The following VPS13D variants were observed in gnomAD, a reference collection of about 807,000 sequenced individuals.
VPS13D encodes intermembrane lipid transfer protein VPS13D.
In VPS13D, 187 loss-of-function variants were observed where a neutral mutation model predicts 461.9. That is an observed-to-expected ratio of 0.40 (90% CI 0.36 to 0.46). The LOEUF (loss-of-function observed/expected upper bound fraction) is 0.46, where lower values mean the gene tolerates loss of function less well. Ranked by LOEUF, VPS13D falls within the 20% of genes least tolerant of loss-of-function variation. The pLI is 0.60. For missense variants in VPS13D, 4,711 were observed against 5,364.9 expected, an observed-to-expected ratio of 0.88 and a Z score of 3.81; for synonymous variants, 1,951 against 1,986.3, an observed-to-expected ratio of 0.98 and a Z score of 0.47.
intron 43 of VPS13D, 37 bp downstream of exon 43, chr1:12,345,546 T>C (rs755686568): frequency 1.9e-6 from 3 of 1,589,366 alleles, no homozygotes; most frequent in Non-Finnish European, 2.6e-6. Context: ...GTTAAGCGAC[T>C]GTCAGGAAGT....
chr1:12,505,099 G>A lies in VPS13D; in HGVS notation c.12795-1754G>A, dbSNP rs1011185857. Among the ~76,000 whole-genome samples the A allele has an allele frequency of 1.3e-5, 2 of 152,138 alleles. No homozygotes were observed. The highest frequency in any genetic ancestry group is 2.9e-5 in the Non-Finnish European group (2 of 68,022). On this transcript the variant is annotated intron_variant, in intron 68 of 69. Transcript: ENST00000620676. The surrounding 1 kb of genome is among the most constrained non-coding windows in gnomAD (Gnocchi z 4.2). ...GGAGTCTCCTTGGAGAGCCCGTGAC[G>A]GCCTCAGTGGCTGTGCACCAGGCCC...
intron 27 of VPS13D, 146 bp downstream of exon 27, chr1:12,308,787 G>T: frequency 1.4e-6 from 1 of 731,648 alleles, no homozygotes. Flanking sequence ...AAGTAGCTGG[G>T]ATTACAGGCA....
intron 65 of VPS13D, among the ~76,000 whole-genome samples, chr1:12,421,382 C>A (rs756724530): frequency 6.6e-6 from 1 of 152,208 alleles, no homozygotes; most frequent in Non-Finnish European, 1.5e-5. Context: ...AAACCCATGT[C>A]AGAGGAGAAA....
intron 60 of VPS13D, among the ~76,000 whole-genome samples, 158 bp downstream of exon 60, chr1:12,386,492 C>A (rs776953561): frequency 1.3e-5 from 2 of 152,146 alleles, no homozygotes; most frequent in Non-Finnish European, 2.9e-5. Context: ...TACCTACATT[C>A]GTCTCATTAA....
intron 60 of VPS13D, among the ~76,000 whole-genome samples, chr1:12,391,116 C>G (rs1272266629): frequency 1.3e-5 from 2 of 152,230 alleles, no homozygotes; most frequent in Non-Finnish European, 2.9e-5. Context: ...TTGGCTACCT[C>G]CCATGAATCA....
chr1:12,448,328 G>C (rs1352810882), intron 65 of VPS13D, among the ~76,000 whole-genome samples: 1 of 152,150 alleles, frequency 6.6e-6, no homozygotes, highest in Non-Finnish European at 1.5e-5. Flanking sequence ...TCCTGGTTCA[G>C]TACTGAGGCA....
rs925406397 is a variant in VPS13D at position 12,268,612 on chromosome 1, A to C, written c.1802-94A>C. 2.7e-5 allele frequency: 37 copies of C among 1,360,022 alleles called. No individual in the cohort carries two copies. In the African/African-American group the frequency reaches 5.3e-4, roughly 19 times the overall value. The allele number at this position is 1,360,022 out of a possible 1,614,324, so 84.2% of individuals were successfully genotyped here. A position where few individuals can be genotyped will look rare whatever the true frequency, so the allele number is the denominator to read the frequency against. On this transcript the variant is annotated intron_variant, in intron 15 of 69. Coordinates refer to ENST00000620676, the MANE Select transcript of VPS13D (RefSeq NM_015378.4). ...GTGAACTAATTGAAAAATAATTTAG[A>C]AAATGTCTGTTTTTCCAGAATCCCT... is the stretch of plus-strand genomic sequence containing the variant.
chr1:12,401,616 G>T lies in VPS13D; in HGVS notation c.11793G>T (p.Met3931Ile), dbSNP rs372042881. 7 of 1,610,146 alleles carry T rather than the reference G, an allele frequency of 4.3e-6. No individual in the cohort carries two copies. The African/African-American group carries it at 6.7e-5, about 15-fold the overall frequency. The change falls in exon 62 of 70, where the codon ATG becomes ATT. Residue 3931 changes from methionine (M) to isoleucine (I), a missense_variant. Transcript: ENST00000620676. Reference protein sequence around the residue: ...SALTNIYKHLMITAQRFTVQI... With the variant: ...SALTNIYKHLIITAQRFTVQI... ...AATTTCTTTATCTCTAGCATCTGATGATCACAGCTCAGAGATTCACAGTGC... is the reference window on the plus strand; with the variant it reads ...AATTTCTTTATCTCTAGCATCTGATTATCACAGCTCAGAGATTCACAGTGC...
At chr1:12,368,997 T>C (rs1644077932) in intron 53 of VPS13D, among the ~76,000 whole-genome samples, 1 of 152,198 alleles carries the variant, frequency 6.6e-6, no homozygotes, top group Non-Finnish European at 1.5e-5. Context: ...AATATGGAAA[T>C]CATTAGATTT....
chr1:12,418,395 C>G (rs1324955017), intron 65 of VPS13D, among the ~76,000 whole-genome samples: 1 of 152,194 alleles, frequency 6.6e-6, no homozygotes, highest in Non-Finnish European at 1.5e-5. Context: ...TGCTTTAGCT[C>G]TTGGACTTGA....
intron 2 of VPS13D, among the ~76,000 whole-genome samples, chr1:12,238,511 T>C (rs79844422): frequency 0.077 from 11,635 of 152,008 alleles, 570 homozygotes; most frequent in African/African-American, 0.14. Context: ...CCTTTTTTTT[T>C]CCTCCACCTC....
At chr1:12,308,205 G>C (rs915678156) in intron 26 of VPS13D, among the ~76,000 whole-genome samples, 3 of 152,090 alleles carry the variant, frequency 2.0e-5, no homozygotes, top group Admixed American at 2.0e-4. Context: ...GAGTGGAGGC[G>C]GGTGGGCAGG....
chr1:12,391,830 A>G (rs956131796), intron 60 of VPS13D, among the ~76,000 whole-genome samples: 3 of 152,048 alleles, frequency 2.0e-5, no homozygotes, highest in Non-Finnish European at 4.4e-5. Flanking sequence ...GGGGATAAAC[A>G]CTTTTACTCC....
chr1:12,288,540 C>T (rs1045604031), intron 22 of VPS13D, among the ~76,000 whole-genome samples: 3 of 151,744 alleles, frequency 2.0e-5, no homozygotes, highest in African/African-American at 7.3e-5. Flanking sequence ...AGCCTCTTCC[C>T]TCCTCCTGTC....
intron 20 of VPS13D, among the ~76,000 whole-genome samples, chr1:12,282,244 A>T (rs1377712456): frequency 6.6e-6 from 1 of 152,248 alleles, no homozygotes; most frequent in Non-Finnish European, 1.5e-5. Flanking sequence ...GAAAGGAAAC[A>T]TAACTAATCA....
intron 67 of VPS13D, among the ~76,000 whole-genome samples, chr1:12,477,489 G>A (rs925193728): frequency 2.0e-5 from 3 of 152,108 alleles, no homozygotes; most frequent in East Asian, 1.9e-4. Context: ...CTCCAGTGGC[G>A]TCCTCTGTAG....
At chr1:12,362,276 A>C (rs957143068) in intron 50 of VPS13D, among the ~76,000 whole-genome samples, 2 of 152,268 alleles carry the variant, frequency 1.3e-5, no homozygotes, top group Non-Finnish European at 2.9e-5. Flanking sequence ...AGAATCCAAG[A>C]AAGTAATCTG....
rs551896333 is a variant in VPS13D at position 12,341,796 on chromosome 1, C to T, written c.8643C>T (p.Pro2881=). ...QIYARAEVKT[P]KRRQPFVPFA... ...TTGTCGTAGCAGAGGTGAAAACCCC[C>T]AAGCGCCGGCAGCCATTTGTCCCCT... Residue 2881 remains proline, a synonymous_variant, in exon 41 of 70, where the codon CCC becomes CCT. Coordinates refer to ENST00000620676, the MANE Select transcript of VPS13D (RefSeq NM_015378.4). The T allele has an allele frequency of 8.7e-6, 14 of 1,613,966 alleles. No homozygotes were observed. The South Asian group carries it at 1.4e-4, about 16-fold the overall frequency.
intron 60 of VPS13D, among the ~76,000 whole-genome samples, chr1:12,391,381 T>G (rs1644424546): frequency 6.6e-6 from 1 of 152,174 alleles, no homozygotes; most frequent in Non-Finnish European, 1.5e-5. Flanking sequence ...AAGCCATCAG[T>G]GCAGGCTAGG....
Sources: gnomAD v4.1 joint callset for allele counts (sites outside exome capture counted in the v4.1 genomes callset) on GRCh38, gnomAD v4.1.1 for gene constraint, Gnocchi (gnomAD v3.1) non-coding constraint, MANE v1.5 for transcripts, NCBI Gene and HGNC (gene_info 2026-07-23, HGNC 2026-07-21) for gene names.